Variants in HAT1 observed in about 807,000 individuals in gnomAD.
HAT1 encodes the protein histone acetyltransferase type B catalytic subunit.
In HAT1, 20 loss-of-function variants were observed where a neutral mutation model predicts 56.6. The ratio of observed to expected loss-of-function variants is 0.35; its 90% CI spans 0.25 to 0.51. The LOEUF is 0.51. Among genes scored for constraint, HAT1 ranks in the 20% least tolerant of loss-of-function variants. The pLI is 0.95. For missense variants in HAT1, 408 were observed against 504.3 expected, an observed-to-expected ratio of 0.81 and a Z score of 1.83; for synonymous variants, 146 against 165.5, an observed-to-expected ratio of 0.88 and a Z score of 0.91.
intron 2 of HAT1, among the ~76,000 whole-genome samples, chr2:171,940,048 G>T (rs755056465): frequency 1.3e-5 from 2 of 152,102 alleles, no homozygotes; most frequent in Non-Finnish European, 2.9e-5. Flanking sequence ...GGGATCACAG[G>T]CATGAACCAC....
intron 6 of HAT1, chr2:171,966,115 T>C: frequency 1.7e-6 from 1 of 590,140 alleles, no homozygotes; most frequent in Non-Finnish European, 3.0e-6. Context: ...GTTAGGGCCC[T>C]GAATGTAGGC....
At chr2:171,978,684 T>C (rs149421114) in intron 9 of HAT1, among the ~76,000 whole-genome samples, 75 of 152,340 alleles carry the variant, frequency 4.9e-4, no homozygotes, top group African/African-American at 1.7e-3. Flanking sequence ...ATAACTCAGC[T>C]TCTTGATTGG....
In HAT1 at chr2:171,969,828, C is replaced by T. The variant is rs556567584; in HGVS notation, c.823+2879C>T. Among the ~76,000 whole-genome samples the T allele has an allele frequency of 1.7e-4, 26 of 152,162 alleles. No individual in the cohort carries two copies. In the East Asian group the frequency reaches 4.8e-3, roughly 28 times the overall value. On this transcript the variant is annotated intron_variant, in intron 8 of 10. Coordinates refer to ENST00000264108, the MANE Select transcript of HAT1 (RefSeq NM_003642.4). ...CTCATTTTCCTATGATACCTATTTCCTAAACTTTTCTGAGGGTATAGAAGT... is the reference window on the plus strand; with the variant it reads ...CTCATTTTCCTATGATACCTATTTCTTAAACTTTTCTGAGGGTATAGAAGT...
chr2:171,954,772 C>T (rs1242494191), intron 4 of HAT1, among the ~76,000 whole-genome samples: 2 of 152,164 alleles, frequency 1.3e-5, no homozygotes, highest in Admixed American at 1.3e-4. Flanking sequence ...ATATCTGGAA[C>T]CTGTGAATGG....
At chr2:171,960,399 AATT>A (rs564892157) in intron 4 of HAT1, among the ~76,000 whole-genome samples, 76 of 152,174 alleles carry the variant, frequency 5.0e-4, no homozygotes, top group Non-Finnish European at 1.1e-3. Flanking sequence ...ACAATAAAAA[AATT>A]TTATTTTGGA....
In HAT1 at chr2:171,965,515, A is replaced by G. The variant is rs775771043; in HGVS notation, c.487A>G (p.Lys163Glu). 1.3e-6 allele frequency: 2 copies of G among 1,536,746 alleles called. No individual in the cohort carries two copies. The highest frequency in any genetic ancestry group is 3.8e-5 in the Admixed American group (2 of 53,132). ...GGENFTFQIY[K>E]ADMTCRGFRE... The stretch of plus-strand genomic sequence containing the variant: ...AGAAAACTTTACCTTTCAGATATAT[A>G]AGGTAAAGATAAATCTAAATATTTA... Residue 163 changes from lysine to glutamate, a missense_variant and splice_region_variant, in exon 5 of 11, where the codon AAG becomes GAG. By Grantham distance (56) the Lys-to-Glu change is moderately conservative. Transcript: ENST00000264108.
At chr2:171,954,063 C>T (rs921430611) in intron 4 of HAT1, among the ~76,000 whole-genome samples, 1 of 152,234 alleles carries the variant, frequency 6.6e-6, no homozygotes, top group Non-Finnish European at 1.5e-5. Context: ...GCCTCCCTGT[C>T]ATTACAGTTA....
rs145368464 is a variant in HAT1, at chr2:171,973,691, T to G, written c.824-2466T>G. ...CACAAACCCTATTGTGAACTGCACA[T>G]GTGAAGGATGTAGGTCGAATCTAAC... On this transcript the variant is annotated intron_variant, in intron 8 of 10. Coordinates refer to ENST00000264108, the MANE Select transcript of HAT1 (RefSeq NM_003642.4). 2.1e-3 allele frequency among the ~76,000 whole-genome samples: 320 copies of G among 152,258 alleles called. 1 individual carries two copies. Among genetic ancestry groups the G allele is most frequent in the Non-Finnish European group, 4.6e-4 (31 of 68,020 alleles).
chr2:171,941,777 T>G (rs1384509951), intron 2 of HAT1, among the ~76,000 whole-genome samples: 1 of 152,250 alleles, frequency 6.6e-6, no homozygotes, highest in Non-Finnish European at 1.5e-5. Context: ...CTGTGCAGCC[T>G]GGTTCCTAAC....
chr2:171,931,702 T>C lies in HAT1; in HGVS notation c.112+6061T>C, dbSNP rs114218058. On this transcript the variant is annotated intron_variant, in intron 2 of 10. Coordinates refer to ENST00000264108, the MANE Select transcript of HAT1 (RefSeq NM_003642.4). ...GGGGAAAAACAGCCATATAGTACAG[T>C]CAGCTCTTTGTATCTGCAGATTCTG... Among the ~76,000 whole-genome samples, 700 of 152,224 alleles carry C rather than the reference T, an allele frequency of 4.6e-3. 3 individuals carry two copies. The highest frequency in any genetic ancestry group is 0.016 in the African/African-American group (658 of 41,552).
At chr2:171,947,107 A>G (rs1025552315) in intron 3 of HAT1, among the ~76,000 whole-genome samples, 1 of 152,222 alleles carries the variant, frequency 6.6e-6, no homozygotes, top group South Asian at 2.1e-4. Flanking sequence ...ATCTGACTCC[A>G]GAGCCCATAA....
chr2:171,938,952 G>T (rs893619606), intron 2 of HAT1, among the ~76,000 whole-genome samples: 12 of 152,172 alleles, frequency 7.9e-5, no homozygotes, highest in African/African-American at 2.4e-4. Flanking sequence ...TGTTGCTCAG[G>T]CTGGTCTTGA....
chr2:171,937,801 CA>C (rs1485983167), intron 2 of HAT1, among the ~76,000 whole-genome samples: 1 of 152,026 alleles, frequency 6.6e-6, no homozygotes, highest in Non-Finnish European at 1.5e-5. Context: ...GGAGGAGGAT[CA>C]CTTGAAGCCA....
chr2:171,942,920 A>C (rs895981556), intron 2 of HAT1, among the ~76,000 whole-genome samples: 1 of 152,142 alleles, frequency 6.6e-6, no homozygotes, highest in Non-Finnish European at 1.5e-5. Context: ...TCTTTTCTCT[A>C]TGTCTTTTTA....
At chr2:171,942,386 G>T (rs1377052852) in intron 2 of HAT1, among the ~76,000 whole-genome samples, 2 of 151,944 alleles carry the variant, frequency 1.3e-5, no homozygotes, top group East Asian at 3.9e-4. Flanking sequence ...AATTTGGAGT[G>T]TTTTCTTCTA....
At chr2:171,969,651 T>C (rs552387995) in intron 8 of HAT1, among the ~76,000 whole-genome samples, 1 of 152,210 alleles carries the variant, frequency 6.6e-6, no homozygotes, top group Non-Finnish European at 1.5e-5. Context: ...GCTTAAAGAT[T>C]GAGTGGTGAC....
intron 3 of HAT1, among the ~76,000 whole-genome samples, chr2:171,947,361 C>T (rs1299317576): frequency 2.6e-5 from 4 of 152,050 alleles, no homozygotes; most frequent in Non-Finnish European, 5.9e-5. Flanking sequence ...CATAAGCAGT[C>T]CTCCCACCTG....
intron 4 of HAT1, among the ~76,000 whole-genome samples, chr2:171,959,324 C>G (rs1298147814): frequency 6.6e-5 from 10 of 152,190 alleles, no homozygotes; most frequent in Non-Finnish European, 1.3e-4. Flanking sequence ...TGTAAACCCA[C>G]TGTTGGAGGG....
intron 2 of HAT1, among the ~76,000 whole-genome samples, chr2:171,938,691 G>A (rs1377726440): frequency 2.6e-5 from 4 of 152,122 alleles, no homozygotes; most frequent in African/African-American, 9.7e-5. Context: ...ATCTCAGGAT[G>A]TTCTGCCTTG....
Sources: allele counts gnomAD v4.1 joint callset (sites outside exome capture counted in the v4.1 genomes callset), GRCh38; gene constraint gnomAD v4.1.1; transcripts MANE v1.5; gene names NCBI Gene and HGNC (gene_info 2026-07-23, HGNC 2026-07-21).